LRP4: variants seen among roughly 807,000 people sequenced by gnomAD.
LRP4 encodes LDL receptor related protein 4.
Under a neutral mutation model 220.3 loss-of-function variants are expected in LRP4, and 95 were observed. That is an observed-to-expected ratio of 0.43 (90% CI 0.37 to 0.51). LRP4 has a LOEUF of 0.51. LRP4 is among the 20% of genes least tolerant of loss of function. LRP4 has a pLI of 0.00. For synonymous variants in LRP4, 903 were observed against 954.6 expected (o/e 0.95, Z 1.00); for missense variants, 1,925 against 2,567.0 (o/e 0.75, Z 5.40).
chr11:46,874,557 A>G (rs1482329751), intron 28 of LRP4, among the ~76,000 whole-genome samples: 6 of 152,146 alleles, frequency 3.9e-5, no homozygotes, highest in Admixed American at 3.9e-4. Flanking sequence ...AGGTCCCCTG[A>G]CTTTACCTGT....
At chr11:46,896,829 C>CTA in intron 8 of LRP4, 40 bp downstream of exon 8, 1 of 1,613,862 alleles carries the variant, frequency 6.2e-7, no homozygotes, top group Non-Finnish European at 8.5e-7. Flanking sequence ...TCCACCCCAA[C>CTA]TATAGGCTAA....
At position 46,868,603 on chromosome 11, in the gene LRP4, G is replaced by A. The variant is rs1344586872; in HGVS notation, c.4948C>T (p.Leu1650Phe). ...CCAGCCATACAGTCCAACTCACCAAGGGAGCAGGGCCGGCTATCAGGTTCG... is the reference window on the plus strand; with the variant it reads ...CCAGCCATACAGTCCAACTCACCAAAGGAGCAGGGCCGGCTATCAGGTTCG... The part of the protein sequence containing the change: ...PDEPDSRPCS[L>F]VPGLVPPAPR... The change falls in exon 33 of 38, where the codon CTT becomes TTT. Residue 1650 changes from leucine to phenylalanine, a missense_variant. Around this residue, in one of 3 missense-constraint regions of LRP4, gnomAD observed 1,244 missense variants for 1,624.9 expected, o/e 0.77. Transcript: ENST00000378623. 6.2e-7 allele frequency: 1 copy of A among 1,612,476 alleles called. No homozygotes were observed. The highest frequency in any genetic ancestry group is 1.7e-5 in the Admixed American group (1 of 60,006).
In LRP4 at chr11:46,877,245, G is replaced by GTTGA; in HGVS notation, c.3227_3230dup (p.Ile1078GlnfsTer23). On this transcript the variant is annotated frameshift_variant, in exon 23 of 38. Transcript: ENST00000378623. LOFTEE classifies it high-confidence loss of function. Reference sequence around the variant, plus strand: ...TGGCAATGGTGTTCTTCATGGTAATGTTGATTGGTACCACCACATCAGCAA... The same window carrying GTTGA: ...TGGCAATGGTGTTCTTCATGGTAATGTTGATTGATTGGTACCACCACATCAGCAA... 6.2e-7 allele frequency: 1 copy of GTTGA among 1,613,958 alleles called. No homozygotes were observed. The highest frequency in any genetic ancestry group is 1.3e-5 in the African/African-American group (1 of 75,024).
At chr11:46,906,338 C>A (rs944643771) in intron 1 of LRP4, among the ~76,000 whole-genome samples, 4 of 152,052 alleles carry the variant, frequency 2.6e-5, no homozygotes, top group Non-Finnish European at 5.9e-5. Flanking sequence ...CGCCTGTAGT[C>A]CCAGCTACTT....
intron 19 of LRP4, among the ~76,000 whole-genome samples, chr11:46,882,848 C>A (rs190884553): frequency 7.2e-4 from 106 of 148,220 alleles, no homozygotes; most frequent in African/African-American, 2.4e-3. Flanking sequence ...CAGAGCAAGA[C>A]CCTGTCTCAA....
intron 1 of LRP4, among the ~76,000 whole-genome samples, chr11:46,905,175 G>GC (rs1276024248): frequency 6.6e-6 from 1 of 151,996 alleles, no homozygotes; most frequent in Non-Finnish European, 1.5e-5. Flanking sequence ...AGGTGCCCCT[G>GC]CCCCCACTCC....
In LRP4 at chr11:46,889,273, T is replaced by C. The variant is rs1024063271; in HGVS notation, c.2215+138A>G. 2.5e-6 allele frequency: 3 copies of C among 1,202,462 alleles called. No individual in the cohort carries two copies. The Admixed American group carries it at 5.2e-5, about 21-fold the overall frequency. 74.5% of individuals were successfully genotyped at this position (1,202,462 alleles called of 1,614,324 possible). A position where few individuals can be genotyped will look rare whatever the true frequency, so the allele number is the denominator to read the frequency against. ...CTTTGATAGAAGATCCCTCAGCCTC[T>C]TAAGTTCTTCCTCTCCAGGGCTCCC... On this transcript the variant is annotated intron_variant, in intron 16 of 37. Coordinates refer to ENST00000378623, the MANE Select transcript of LRP4 (RefSeq NM_002334.4).
intron 37 of LRP4, among the ~76,000 whole-genome samples, chr11:46,860,144 A>C (rs1940503055): frequency 6.6e-6 from 1 of 151,634 alleles, no homozygotes; most frequent in Admixed American, 6.6e-5. Flanking sequence ...CTGAGGCAGG[A>C]GAATCCCTTG....
intron 20 of LRP4, among the ~76,000 whole-genome samples, chr11:46,880,387 G>A (rs1366394249): frequency 6.6e-6 from 1 of 151,160 alleles, no homozygotes; most frequent in African/African-American, 2.4e-5. Flanking sequence ...GATTGCTTGA[G>A]CCTAGGAGTT....
chr11:46,910,131 A>G (rs1489725240), intron 1 of LRP4, among the ~76,000 whole-genome samples: 1 of 152,144 alleles, frequency 6.6e-6, no homozygotes, highest in African/African-American at 2.4e-5. Flanking sequence ...GGTCCAAGCA[A>G]GTTCAGCCCT....
intron 1 of LRP4, among the ~76,000 whole-genome samples, chr11:46,903,625 T>C (rs1941709621): frequency 6.6e-6 from 1 of 152,138 alleles, no homozygotes; most frequent in African/African-American, 2.4e-5. Context: ...TCACTAAAAC[T>C]AGGTTGAGAT....
At chr11:46,874,711 C>T in intron 28 of LRP4, 89 bp downstream of exon 28, 2 of 1,126,434 alleles carry the variant, frequency 1.8e-6, no homozygotes, top group Non-Finnish European at 1.3e-6. Context: ...TGCCAAATCA[C>T]TCATCCATTT....
rs537437820 is a variant in LRP4 at position 46,892,769 on chromosome 11, C to T, written c.1697+204G>A. Among the ~76,000 whole-genome samples the T allele has an allele frequency of 7.2e-5, 11 of 152,254 alleles. No individual in the cohort carries two copies. In the South Asian group the frequency reaches 2.3e-3, roughly 32 times the overall value. On this transcript the variant is annotated intron_variant, in intron 13 of 37. Coordinates refer to ENST00000378623, the MANE Select transcript of LRP4 (RefSeq NM_002334.4). ...GTATTTTGCAGAGATGGGGTTTCCC[C>T]ATGTTGGCCAGGCTGGTCTCGAATT...
At chr11:46,888,351 C>T (rs1592534779) in intron 16 of LRP4, among the ~76,000 whole-genome samples, 2 of 150,712 alleles carry the variant, frequency 1.3e-5, no homozygotes, top group Admixed American at 6.6e-5. Flanking sequence ...GTCAGGAGTT[C>T]GAGACCAGCC....
chr11:46,909,328 C>T (rs535786722), intron 1 of LRP4, among the ~76,000 whole-genome samples: 15 of 151,266 alleles, frequency 9.9e-5, no homozygotes, highest in South Asian at 2.1e-4. Context: ...AGGAATCGGC[C>T]GGGCGCGGTG....
intron 1 of LRP4, among the ~76,000 whole-genome samples, chr11:46,912,313 AT>A (rs1161251426): frequency 6.6e-6 from 1 of 152,272 alleles, no homozygotes; most frequent in Non-Finnish European, 1.5e-5. Flanking sequence ...TAAACCACAT[AT>A]CCCAATTTGT....
intron 8 of LRP4, 107 bp downstream of exon 8, chr11:46,896,762 C>T (rs559387662): frequency 1.3e-6 from 2 of 1,553,916 alleles, no homozygotes; most frequent in East Asian, 2.3e-5. Flanking sequence ...CTGGATTTTA[C>T]ACTGGTAAAA....
Position 46,899,770 on chromosome 11 carries a change from T to C in LRP4, c.430+93A>G. On this transcript the variant is annotated intron_variant, in intron 4 of 37. Coordinates refer to ENST00000378623, the MANE Select transcript of LRP4 (RefSeq NM_002334.4). This position sits in a 1 kb window ranked among gnomAD's most constrained non-coding sequence, Gnocchi z 5.9. ...CTCCAGATATCTGGGCAGTTGGAGG[T>C]TTGGCAGTGCTAGGGCCATTGCTGC... is the stretch of plus-strand genomic sequence containing the variant. 9.3e-7 allele frequency: 1 copy of C among 1,071,192 alleles called. No homozygotes were observed. Among genetic ancestry groups the C allele is most frequent in the East Asian group, 2.4e-5 (1 of 42,510 alleles). 66.4% of individuals were successfully genotyped at this position (1,071,192 alleles called of 1,614,324 possible).
chr11:46,911,493 T>A (rs956024759), intron 1 of LRP4, among the ~76,000 whole-genome samples: 5 of 151,048 alleles, frequency 3.3e-5, no homozygotes, highest in African/African-American at 1.2e-4. Context: ...CCTTTTAAAG[T>A]CTCTCTCTTC....
Sources: gnomAD v4.1 joint callset for allele counts (sites outside exome capture counted in the v4.1 genomes callset) on GRCh38, gnomAD v4.1.1 for gene constraint, gnomAD v4.1.1 regional missense constraint, Gnocchi (gnomAD v3.1) non-coding constraint, MANE v1.5 for transcripts, NCBI Gene and HGNC (gene_info 2026-07-23, HGNC 2026-07-21) for gene names.